The following ZMYND8 variants were observed in gnomAD, a reference collection of about 807,000 sequenced individuals.
ZMYND8 encodes MYND-type zinc finger-containing chromatin reader ZMYND8.
Under a neutral mutation model 140.8 loss-of-function variants are expected in ZMYND8, and 37 were observed. That is an observed-to-expected ratio of 0.26 (90% CI 0.20 to 0.35). ZMYND8 has a LOEUF of 0.35. Ranked by LOEUF, ZMYND8 falls within the 10% of genes least tolerant of loss-of-function variation. ZMYND8 has a pLI of 1.00. For synonymous variants in ZMYND8, 592 were observed against 597.1 expected, an observed-to-expected ratio of 0.99 and a Z score of 0.12; for missense variants, 1,068 against 1,570.0, an observed-to-expected ratio of 0.68 and a Z score of 5.40.
At chr20:47,242,315 T>A (rs1047447106) in intron 14 of ZMYND8, among the ~76,000 whole-genome samples, 2 of 152,130 alleles carry the variant, frequency 1.3e-5, no homozygotes, top group African/African-American at 4.8e-5. Context: ...GAGAGGAGAA[T>A]CCAGCCAAGC....
At chr20:47,350,008 C>A in intron 1 of ZMYND8, 1 of 1,492,038 alleles carries the variant, frequency 6.7e-7, no homozygotes. Flanking sequence ...GAGGAAAATG[C>A]AAACTAGTTA....
At chr20:47,228,934 A>C (rs2038090718) in intron 17 of ZMYND8, among the ~76,000 whole-genome samples, 1 of 152,152 alleles carries the variant, frequency 6.6e-6, no homozygotes, top group African/African-American at 2.4e-5. Context: ...GAATTAGCCT[A>C]AAGGGGAAGT....
At chr20:47,211,314 G>A (rs1409600442) in intron 22 of ZMYND8, among the ~76,000 whole-genome samples, 2 of 152,118 alleles carry the variant, frequency 1.3e-5, no homozygotes, top group African/African-American at 2.4e-5. Context: ...GTCTACTTCC[G>A]TTAGTGGGAT....
At chr20:47,335,447 C>G (rs538550697) in intron 2 of ZMYND8, among the ~76,000 whole-genome samples, 1 of 152,106 alleles carries the variant, frequency 6.6e-6, no homozygotes, top group South Asian at 2.1e-4. Flanking sequence ...GACACCTGGT[C>G]TTTCCAAACT....
At chr20:47,228,193 T>C (rs866238935) in intron 17 of ZMYND8, among the ~76,000 whole-genome samples, 1 of 152,156 alleles carries the variant, frequency 6.6e-6, no homozygotes, top group African/African-American at 2.4e-5. Context: ...TCCCCTGTCA[T>C]GAGAATGTCT....
At chr20:47,335,266 A>G (rs1289130743) in intron 2 of ZMYND8, among the ~76,000 whole-genome samples, 1 of 152,026 alleles carries the variant, frequency 6.6e-6, no homozygotes, top group Non-Finnish European at 1.5e-5. Flanking sequence ...ACAAAAAAAA[A>G]GGAGAATTGT....
intron 5 of ZMYND8, 105 bp downstream of exon 5, chr20:47,294,561 G>T (rs1449766015): frequency 3.0e-6 from 3 of 1,002,402 alleles, no homozygotes; most frequent in Non-Finnish European, 4.6e-6. Flanking sequence ...GATGCAAGGA[G>T]GCCCAAAGAA....
intron 11 of ZMYND8, among the ~76,000 whole-genome samples, chr20:47,265,020 G>T (rs1378131113): frequency 7.5e-6 from 1 of 133,058 alleles, no homozygotes; most frequent in Non-Finnish European, 1.7e-5. Flanking sequence ...CTGGGACACA[G>T]AGAGAGACCC....
intron 11 of ZMYND8, among the ~76,000 whole-genome samples, chr20:47,270,239 TA>T (rs879300192): frequency 2.8e-3 from 377 of 136,458 alleles, no homozygotes; most frequent in Middle Eastern, 3.8e-3. Flanking sequence ...CCCTGTCTCT[TA>T]AAAAAAAAAA....
chr20:47,279,478 A>G (rs891810526), intron 10 of ZMYND8, among the ~76,000 whole-genome samples: 4 of 150,344 alleles, frequency 2.7e-5, no homozygotes, highest in Non-Finnish European at 5.9e-5. Flanking sequence ...TGACAGAGCA[A>G]GACCCCCCTC....
At chr20:47,299,546 T>G (rs2077860197) in intron 3 of ZMYND8, among the ~76,000 whole-genome samples, 1 of 151,970 alleles carries the variant, frequency 6.6e-6, no homozygotes, top group African/African-American at 2.4e-5. Context: ...AGGGTTTCAG[T>G]CACCAAAAAA....
intron 16 of ZMYND8, among the ~76,000 whole-genome samples, chr20:47,233,584 C>A (rs942071370): frequency 1.2e-4 from 19 of 152,188 alleles, no homozygotes; most frequent in African/African-American, 4.6e-4. Flanking sequence ...GGTCAGCAGG[C>A]TTGTTTGAAA....
chr20:47,238,455 G>C (rs1024571713), intron 15 of ZMYND8: 13 of 468,848 alleles, frequency 2.8e-5, no homozygotes, highest in African/African-American at 3.9e-5. Context: ...GAAGGGAAGA[G>C]AATGAAATGG....
rs1199538506 is a variant in ZMYND8 at position 47,221,450 on chromosome 20, T to A, written c.3281A>T (p.Asp1094Val). Residue 1094 changes from aspartate (D) to valine (V), a missense_variant, in exon 20 of 23, where the codon GAT becomes GTT. Coordinates refer to ENST00000471951, the MANE Select transcript of ZMYND8 (RefSeq NM_001281775.3). ...QSATAPQQEADAEVNTETLNK... is the reference protein window; with the variant it reads ...QSATAPQQEAVAEVNTETLNK... Reference sequence around the variant, plus strand: ...TAGTGTTTCTGTGTTCACCTCAGCATCCGCTTCCTGCTGAGGAGCAGTAGC... The same window carrying A: ...TAGTGTTTCTGTGTTCACCTCAGCAACCGCTTCCTGCTGAGGAGCAGTAGC... 6.2e-7 allele frequency: 1 copy of A among 1,614,078 alleles called. No homozygotes were observed. Among genetic ancestry groups the A allele is most frequent in the South Asian group, 1.1e-5 (1 of 91,080 alleles).
At chr20:47,269,599 A>G (rs193259998) in intron 11 of ZMYND8, among the ~76,000 whole-genome samples, 1 of 152,356 alleles carries the variant, frequency 6.6e-6, no homozygotes, top group Admixed American at 6.5e-5. Context: ...GCTGAAACAC[A>G]TCATTTATTA....
At chr20:47,312,274 G>C (rs1207238810) in intron 2 of ZMYND8, among the ~76,000 whole-genome samples, 1 of 152,158 alleles carries the variant, frequency 6.6e-6, no homozygotes, top group East Asian at 1.9e-4. Flanking sequence ...TTCATGAAAA[G>C]GCAAAGTATC....
In ZMYND8 at chr20:47,246,487, G is replaced by T; in HGVS notation, c.1805C>A (p.Thr602Lys). The change falls in exon 14 of 23, where the codon ACG becomes AAG. Residue 602 changes from threonine (T) to lysine (K), a missense_variant. Thr to Lys is a moderately conservative substitution (Grantham distance 78). Coordinates refer to ENST00000471951, the MANE Select transcript of ZMYND8 (RefSeq NM_001281775.3). ...CTCCGAATCGCTGTGCTCTACGGCC[G>T]TATAGACATCTTCCGAGATTTCATT... is the stretch of plus-strand genomic sequence containing the variant. ...GINEISEDVY[T>K]AVEHSDSEDS... is the part of the protein sequence containing the mutation. 1 of 1,592,656 alleles carries T rather than the reference G, an allele frequency of 6.3e-7. No homozygotes were observed. Among genetic ancestry groups the T allele is most frequent in the Non-Finnish European group, 8.5e-7 (1 of 1,171,304 alleles).
At chr20:47,315,105 G>A (rs2079274091) in intron 2 of ZMYND8, among the ~76,000 whole-genome samples, 1 of 151,880 alleles carries the variant, frequency 6.6e-6, no homozygotes, top group African/African-American at 2.4e-5. Context: ...AATTTAATGA[G>A]AAAGTGGGAA....
At chr20:47,219,559 C>T (rs1357206421) in intron 21 of ZMYND8, among the ~76,000 whole-genome samples, 1 of 151,620 alleles carries the variant, frequency 6.6e-6, no homozygotes, top group African/African-American at 2.4e-5. Context: ...GCAGAAAGGT[C>T]CTGGAGCTGT....
Sources: allele counts gnomAD v4.1 joint callset (sites outside exome capture counted in the v4.1 genomes callset), GRCh38; gene constraint gnomAD v4.1.1; transcripts MANE v1.5; gene names NCBI Gene and HGNC (gene_info 2026-07-23, HGNC 2026-07-21).